PCLO: variants seen among roughly 807,000 people sequenced by gnomAD.
PCLO encodes protein piccolo.
Under a neutral mutation model 427.5 loss-of-function variants are expected in PCLO, and 82 were observed. The ratio of observed to expected loss-of-function variants is 0.19; its 90% CI spans 0.16 to 0.23. The LOEUF is 0.23. PCLO is among the 10% of genes least tolerant of loss of function. The probability of loss-of-function intolerance (pLI) is 1.00; values close to 1 mark genes in which losing one functional copy is unlikely to be tolerated. For missense variants in PCLO, 6,239 were observed against 6,115.9 expected, an observed-to-expected ratio of 1.02 and a Z score of -0.67; for synonymous variants, 2,357 against 2,155.4, an observed-to-expected ratio of 1.09 and a Z score of -2.59.
Position 82,822,509 on chromosome 7 carries a change from A to G in PCLO, c.14777T>C (p.Leu4926Pro). 1.2e-6 allele frequency: 2 copies of G among 1,613,806 alleles called. No homozygotes were observed. The highest frequency in any genetic ancestry group is 1.7e-6 in the Non-Finnish European group (2 of 1,179,808). ...IAAAEAAVQQ[L>P]RIQPTKPPNH... Reference sequence around the variant, plus strand: ...GCGTCTTTTACTTGGTTGAATGCGGAGTTGTTGCACGGCAGCTTCGGCAGC... The same window carrying G: ...GCGTCTTTTACTTGGTTGAATGCGGGGTTGTTGCACGGCAGCTTCGGCAGC... Residue 4926 changes from leucine to proline, a missense_variant, in exon 20 of 25, where the codon CTC becomes CCC. By Grantham distance (98) the Leu-to-Pro change is moderately conservative (BLOSUM62 -3). Transcript: ENST00000333891.
Position 82,955,438 on chromosome 7 carries a change from T to A in PCLO, c.5515A>T (p.Thr1839Ser). ...NLSPIEDASP[T>S]EELRQAAEME... Reference sequence around the variant, plus strand: ...TCTGCAGCCTGACGTAACTCTTCTGTCGGAGATGCATCTTCAATGGGAGAG... The same window carrying A: ...TCTGCAGCCTGACGTAACTCTTCTGACGGAGATGCATCTTCAATGGGAGAG... Residue 1839 changes from threonine (T) to serine (S), a missense_variant, in exon 5 of 25, where the codon ACA becomes TCA. Around this residue, in one of 5 missense-constraint regions of PCLO, gnomAD observed 4,677 missense variants for 4,468.4 expected, o/e 1.05. Transcript: ENST00000333891. 1 of 1,613,730 alleles carries A rather than the reference T, an allele frequency of 6.2e-7. No homozygotes were observed. Among genetic ancestry groups the A allele is most frequent in the Non-Finnish European group, 8.5e-7 (1 of 1,179,796 alleles).
At chr7:83,049,305 A>G (rs1396882131) in intron 3 of PCLO, among the ~76,000 whole-genome samples, 5 of 152,164 alleles carry the variant, frequency 3.3e-5, no homozygotes, top group African/African-American at 1.2e-4. Context: ...AACATGATGC[A>G]ACATGTGTTG....
In PCLO at chr7:82,756,607, A is replaced by G. The variant is rs1196276412; in HGVS notation, c.*1968T>C. ...TTTTTAGTGCTTTACAGTCCTCTCA[A>G]ATTTAGAGCATTTTTTCTTTAAAAA... is the stretch of plus-strand genomic sequence containing the variant. On this transcript the variant is annotated 3_prime_UTR_variant, in exon 25 of 25. Transcript: ENST00000333891. The G allele has an allele frequency of 3.3e-5, 5 of 151,862 alleles. No homozygotes were observed. The East Asian group carries it at 9.7e-4, about 29-fold the overall frequency. 9.4% of individuals were successfully genotyped at this position (151,862 alleles called of 1,614,324 possible).
intron 3 of PCLO, among the ~76,000 whole-genome samples, chr7:83,021,627 T>C (rs1391723818): frequency 1.3e-5 from 2 of 152,190 alleles, no homozygotes; most frequent in Non-Finnish European, 2.9e-5. Context: ...CCTGATATAA[T>C]TACCAGCATA....
At chr7:83,161,884 T>C (rs77693109) in intron 1 of PCLO, among the ~76,000 whole-genome samples, 8,240 of 152,248 alleles carry the variant, frequency 0.054, 510 homozygotes, top group East Asian at 0.25. Context: ...ACAAATCACC[T>C]ACAAGGGGAT....
At chr7:83,038,045 A>T (rs1483649076) in intron 3 of PCLO, among the ~76,000 whole-genome samples, 449 of 35,038 alleles carry the variant, frequency 0.013, 32 homozygotes, top group African/African-American at 0.029. Context: ...ATATTTATAT[A>T]TATATCTTTA....
intron 2 of PCLO, among the ~76,000 whole-genome samples, chr7:83,141,039 GCAGA>G (rs1265116744): frequency 1.3e-5 from 2 of 152,104 alleles, no homozygotes; most frequent in East Asian, 3.9e-4. Context: ...GAGAAGTTAG[GCAGA>G]CAATCTCTGC....
At chr7:82,816,443 C>T (rs1374923332) in intron 20 of PCLO, among the ~76,000 whole-genome samples, 1 of 152,034 alleles carries the variant, frequency 6.6e-6, no homozygotes, top group Non-Finnish European at 1.5e-5. Context: ...CATTGCCCTC[C>T]CCCATCAGCA....
rs144218184 is a variant in PCLO at position 83,117,604 on chromosome 7, A to G, written c.3300+16646T>C. Among the ~76,000 whole-genome samples, 1,125 of 152,260 alleles carry G rather than the reference A, an allele frequency of 7.4e-3. 17 individuals carry two copies. Among genetic ancestry groups the G allele is most frequent in the African/African-American group, 0.026 (1,067 of 41,546 alleles). ...CTGCTATCAAAGAGGTGGATTCTAC[A>G]AGCTGAGTGTTCTTCACCTGTGACT... is the stretch of plus-strand genomic sequence containing the variant. On this transcript the variant is annotated intron_variant, in intron 3 of 24. Coordinates refer to ENST00000333891, the MANE Select transcript of PCLO (RefSeq NM_033026.6).
intron 8 of PCLO, among the ~76,000 whole-genome samples, chr7:82,908,450 G>T (rs1794243765): frequency 6.6e-6 from 1 of 151,996 alleles, no homozygotes; most frequent in African/African-American, 2.4e-5. Context: ...TCTCCTCCAG[G>T]TTAAGCGTTC....
At chr7:83,000,513 A>C (rs1398555402) in intron 3 of PCLO, among the ~76,000 whole-genome samples, 2 of 151,944 alleles carry the variant, frequency 1.3e-5, no homozygotes, top group African/African-American at 4.8e-5. Context: ...TTTTCCATGG[A>C]TGTGCGGGAT....
At chr7:82,888,639 T>C (rs934391376) in intron 9 of PCLO, among the ~76,000 whole-genome samples, 4 of 152,196 alleles carry the variant, frequency 2.6e-5, no homozygotes, top group Admixed American at 2.0e-4. Context: ...AACGAAGCTA[T>C]ATTTTCAATG....
chr7:82,808,804 T>C (rs1791508916), intron 20 of PCLO, among the ~76,000 whole-genome samples: 1 of 151,906 alleles, frequency 6.6e-6, no homozygotes, highest in Non-Finnish European at 1.5e-5. Context: ...TGGATTAAAT[T>C]CTGTATTCTT....
At chr7:82,957,763 T>C (rs1383511431) in intron 4 of PCLO, among the ~76,000 whole-genome samples, 1 of 152,214 alleles carries the variant, frequency 6.6e-6, no homozygotes, top group Admixed American at 6.5e-5. Context: ...TACAAATACC[T>C]TCTGATTTTG....
rs556389563 is a variant in PCLO at position 82,966,218 on chromosome 7, G to A, written c.3570C>T (p.Thr1190=). 121 of 1,609,874 alleles carry A rather than the reference G, an allele frequency of 7.5e-5. No homozygotes were observed. In the South Asian group the frequency reaches 1.3e-3, roughly 18 times the overall value. Residue 1190 remains threonine, a synonymous_variant, in exon 4 of 25, where the codon ACC becomes ACT. Transcript: ENST00000333891. ...TACTCTCTTCTTGTTTTTGATCTGT[G>A]GTTACCATAGGAGGAATTTTTTCCA... ...LSMEKIPPMV[T]TDQKQEESKL...
chr7:82,943,846 G>A lies in PCLO; in HGVS notation c.11112+5630C>T, dbSNP rs77350749. On this transcript the variant is annotated intron_variant, in intron 6 of 24. Transcript: ENST00000333891. Reference sequence around the variant, plus strand: ...ATGTACGAAATGGAAGAAAAGCACAGAGGAAACAGAAGTAAAAATTGTAAC... The same window carrying A: ...ATGTACGAAATGGAAGAAAAGCACAAAGGAAACAGAAGTAAAAATTGTAAC... Among the ~76,000 whole-genome samples, 916 of 152,112 alleles carry A rather than the reference G, an allele frequency of 6.0e-3. 10 individuals carry two copies. Among genetic ancestry groups the A allele is most frequent in the African/African-American group, 0.021 (873 of 41,504 alleles).
intron 3 of PCLO, among the ~76,000 whole-genome samples, chr7:83,030,884 C>CT (rs1337057814): frequency 1.3e-5 from 2 of 152,134 alleles, no homozygotes; most frequent in African/African-American, 4.8e-5. Flanking sequence ...CAAACAATCA[C>CT]TTTTTTATCG....
intron 1 of PCLO, among the ~76,000 whole-genome samples, chr7:83,159,141 A>G (rs1274102593): frequency 1.3e-5 from 2 of 152,106 alleles, no homozygotes; most frequent in African/African-American, 4.8e-5. Flanking sequence ...ATGATTAACA[A>G]TGAGTGAACC....
chr7:82,818,938 A>G (rs966608067), intron 20 of PCLO, among the ~76,000 whole-genome samples: 1 of 152,210 alleles, frequency 6.6e-6, no homozygotes, highest in Non-Finnish European at 1.5e-5. Flanking sequence ...TTTTATCTCA[A>G]CACTTATGAT....
Sources: gnomAD v4.1 joint callset for allele counts (sites outside exome capture counted in the v4.1 genomes callset) on GRCh38, gnomAD v4.1.1 for gene constraint, gnomAD v4.1.1 regional missense constraint, MANE v1.5 for transcripts, NCBI Gene and HGNC (gene_info 2026-07-23, HGNC 2026-07-21) for gene names.